Variants in SHTN1 observed in about 807,000 individuals in gnomAD.
SHTN1 encodes shootin-1.
Under a neutral mutation model 83.1 loss-of-function variants are expected in SHTN1, and 42 were observed. That is an observed-to-expected ratio of 0.51 (90% CI 0.39 to 0.65). The LOEUF is 0.65. SHTN1 is among the 30% of genes least tolerant of loss of function. The pLI is 0.00. For missense variants in SHTN1, 622 were observed against 737.8 expected (o/e 0.84, Z 1.82); for synonymous variants, 224 against 247.7 (o/e 0.90, Z 0.90).
At chr10:117,025,865 C>A (rs570967399) in intron 2 of SHTN1, among the ~76,000 whole-genome samples, 1 of 152,260 alleles carries the variant, frequency 6.6e-6, no homozygotes, top group South Asian at 2.1e-4. Flanking sequence ...TAGCTGGATC[C>A]ATCACCTACT....
intron 2 of SHTN1, among the ~76,000 whole-genome samples, chr10:116,975,505 G>C (rs1412575731): frequency 1.3e-5 from 2 of 152,062 alleles, no homozygotes; most frequent in East Asian, 3.9e-4. Context: ...GTCCTCATTA[G>C]AGTGGTTTTA....
intron 1 of SHTN1, among the ~76,000 whole-genome samples, chr10:116,990,836 T>C (rs1171175632): frequency 6.6e-6 from 1 of 152,162 alleles, no homozygotes. Flanking sequence ...GTGTGGCTCT[T>C]GGAAGGGCGG....
chr10:116,946,192 A>G (rs1295450065), intron 7 of SHTN1, among the ~76,000 whole-genome samples: 1 of 149,486 alleles, frequency 6.7e-6, no homozygotes, highest in African/African-American at 2.4e-5. Flanking sequence ...CCATATATAT[A>G]TAAATATATA....
chr10:117,034,640 T>TAAA (rs200237896), intron 2 of SHTN1, among the ~76,000 whole-genome samples: 1 of 143,674 alleles, frequency 7.0e-6, no homozygotes, highest in Non-Finnish European at 1.5e-5. Flanking sequence ...GACTCCATCT[T>TAAA]AAAAAAAAAA....
intron 1 of SHTN1, among the ~76,000 whole-genome samples, chr10:116,993,360 A>G (rs183278862): frequency 2.6e-5 from 4 of 152,268 alleles, no homozygotes; most frequent in Non-Finnish European, 5.9e-5. Flanking sequence ...CTTACGTGGT[A>G]TAAAATGCTT....
At chr10:117,038,312 T>C (rs1852531066) in intron 2 of SHTN1, among the ~76,000 whole-genome samples, 1 of 151,886 alleles carries the variant, frequency 6.6e-6, no homozygotes, top group East Asian at 1.9e-4. Context: ...CTATTTTTTT[T>C]TTTTTTTAGT....
chr10:116,899,506 G>GGGGTGT (rs1554906586), intron 16 of SHTN1, among the ~76,000 whole-genome samples: 1 of 124,500 alleles, frequency 8.0e-6, no homozygotes, highest in African/African-American at 2.9e-5. Context: ...GGCTGGGGCT[G>GGGGTGT]GTGTGTGTGT....
chr10:116,940,474 G>A lies in SHTN1; in HGVS notation c.850C>T (p.Gln284Ter). 1 of 1,613,586 alleles carries A rather than the reference G, an allele frequency of 6.2e-7. No homozygotes were observed. Among genetic ancestry groups the A allele is most frequent in the Non-Finnish European group, 8.5e-7 (1 of 1,179,736 alleles). The change falls in exon 9 of 17, where the codon CAA becomes TAA. Residue 284 changes from glutamine to a stop codon, truncating the protein, a stop_gained. Coordinates refer to ENST00000355371, the MANE Select transcript of SHTN1 (RefSeq NM_001127211.3). LOFTEE classifies it high-confidence loss of function. ...AGAAGAAAATGGGTTACCTTTTGTTGATGCTGAATTCTCTCTTCTTCAAGT... is the reference window on the plus strand; with the variant it reads ...AGAAGAAAATGGGTTACCTTTTGTTAATGCTGAATTCTCTCTTCTTCAAGT... Reference protein sequence around the residue: ...QQLEEERIQHQQKVKELEEQL... With the variant: ...QQLEEERIQH
chr10:116,979,280 T>G lies in SHTN1; in HGVS notation c.87A>C (p.Ala29=). Residue 29 remains alanine, a synonymous_variant, in exon 2 of 17, where the codon GCA becomes GCC. Transcript: ENST00000355371. ...QAIGEYEDLR[A]ENQKTKEKCD... is the part of the protein sequence containing the mutation. ...CCTTCTCCTTTGTTTTCTGGTTCTC[T>G]GCTCTAAGGTCTTCATATTCGCCTA... 1.2e-6 allele frequency: 2 copies of G among 1,614,022 alleles called. No homozygotes were observed. Among genetic ancestry groups the G allele is most frequent in the Non-Finnish European group, 1.7e-6 (2 of 1,179,926 alleles).
chr10:117,057,691 G>A (rs1852844228), intron 1 of SHTN1, among the ~76,000 whole-genome samples: 1 of 152,094 alleles, frequency 6.6e-6, no homozygotes, highest in African/African-American at 2.4e-5. Context: ...AAGACATTAA[G>A]TTTATACCTT....
Position 116,882,542 on chromosome 10 carries a change from A to G in SHTN1, c.*3802T>C, listed in dbSNP as rs1847051166. 1 of 152,146 alleles carries G rather than the reference A, an allele frequency of 6.6e-6. No individual in the cohort carries two copies. Among genetic ancestry groups the G allele is most frequent in the African/African-American group, 2.4e-5 (1 of 41,432 alleles). 9.4% of individuals were successfully genotyped at this position (152,146 alleles called of 1,614,324 possible). A position where few individuals can be genotyped will look rare whatever the true frequency, so the allele number is the denominator to read the frequency against. ...AGATATAATAATATCCAACCACTTT[A>G]TATGATTTAGGGTCTCGTTAAAATG... On this transcript the variant is annotated 3_prime_UTR_variant, in exon 17 of 17. Coordinates refer to ENST00000355371, the MANE Select transcript of SHTN1 (RefSeq NM_001127211.3).
intron 1 of SHTN1, among the ~76,000 whole-genome samples, chr10:117,062,102 C>T (rs1319195350): frequency 6.6e-6 from 1 of 152,172 alleles, no homozygotes; most frequent in Non-Finnish European, 1.5e-5. Flanking sequence ...TCACTGTGGC[C>T]TGATCAAATT....
intron 1 of SHTN1, among the ~76,000 whole-genome samples, chr10:116,980,619 T>C (rs1283827432): frequency 6.6e-6 from 1 of 151,718 alleles, no homozygotes; most frequent in Non-Finnish European, 1.5e-5. Context: ...CCTATTTCTA[T>C]GAATAATCTA....
chr10:117,095,501 T>C (rs1040529805), intron 1 of SHTN1, among the ~76,000 whole-genome samples: 3 of 152,198 alleles, frequency 2.0e-5, no homozygotes, highest in Non-Finnish European at 4.4e-5. Context: ...TCTAGAGTTA[T>C]GTATAAAACC....
rs1333142366 is a variant in SHTN1, at chr10:117,018,507, T to A, written c.-123+29938A>T. Among the ~76,000 whole-genome samples the A allele has an allele frequency of 1.9e-4, 24 of 129,498 alleles. No individual in the cohort carries two copies. In the East Asian group the frequency reaches 3.3e-3, roughly 18 times the overall value. 85.0% of individuals were successfully genotyped at this position (129,498 alleles called of 152,430 possible). On this transcript the variant is annotated intron_variant, in intron 2 of 17. Transcript: ENST00000392901. ...ATAAAGGGTGTATGTGTATTTTTTT[T>A]AAAAAAAAAAAAAAAAGGAAAATAT...
chr10:117,085,737 C>T (rs1853340907), intron 1 of SHTN1, among the ~76,000 whole-genome samples: 1 of 152,154 alleles, frequency 6.6e-6, no homozygotes, highest in Non-Finnish European at 1.5e-5. Context: ...AACTGTAATA[C>T]TGGATTTGTC....
At chr10:117,057,403 G>C (rs2133593046) in intron 1 of SHTN1, among the ~76,000 whole-genome samples, 1 of 152,248 alleles carries the variant, frequency 6.6e-6, no homozygotes, top group Middle Eastern at 3.4e-3. Flanking sequence ...TCAAATGTTG[G>C]AGAGCTGGGT....
chr10:116,999,677 G>A, intron 1 of SHTN1, among the ~76,000 whole-genome samples: 1 of 152,246 alleles, frequency 6.6e-6, no homozygotes, highest in Non-Finnish European at 1.5e-5. Flanking sequence ...CACTTTGGGA[G>A]GCCTAGGCGG....
chr10:116,901,883 T>G lies in SHTN1; in HGVS notation c.1555A>C (p.Thr519Pro). ...VLGSVSSVTK[T>P]ALNKKTLEAE... ...TCCAGAGTTTTCTTGTTCAAGGCTG[T>G]TTTTGTTACACTGGATACAGAACCC... is the stretch of plus-strand genomic sequence containing the variant. The change falls in exon 16 of 17, where the codon ACA becomes CCA. Residue 519 changes from threonine to proline, a missense_variant. Thr to Pro is a conservative substitution (Grantham distance 38). Around this residue, in one of 3 missense-constraint regions of SHTN1, gnomAD observed 231 missense variants for 251.6 expected, o/e 0.92. Coordinates refer to ENST00000355371, the MANE Select transcript of SHTN1 (RefSeq NM_001127211.3). 2 of 1,608,390 alleles carry G rather than the reference T, an allele frequency of 1.2e-6. No individual in the cohort carries two copies. Among genetic ancestry groups the G allele is most frequent in the Non-Finnish European group, 1.7e-6 (2 of 1,178,148 alleles).
Sources: allele counts gnomAD v4.1 joint callset (sites outside exome capture counted in the v4.1 genomes callset), GRCh38; gene constraint gnomAD v4.1.1; regional missense constraint gnomAD v4.1.1; transcripts MANE v1.5; gene names NCBI Gene and HGNC (gene_info 2026-07-23, HGNC 2026-07-21).